FNBP1: variants seen among roughly 807,000 people sequenced by gnomAD.
The protein encoded by FNBP1 is formin-binding protein 1.
A neutral mutation model predicts 90.6 loss-of-function variants in FNBP1; 26 were observed. That is an observed-to-expected ratio of 0.29 (90% CI 0.21 to 0.40). The LOEUF is 0.40. Ranked by LOEUF, FNBP1 falls within the 10% of genes least tolerant of loss-of-function variation. The probability of loss-of-function intolerance (pLI) is 1.00; values close to 1 mark genes in which losing one functional copy is unlikely to be tolerated. For missense variants in FNBP1, 635 were observed against 768.0 expected (o/e 0.83, Z 2.05); for synonymous variants, 260 against 265.2 (o/e 0.98, Z 0.19).
chr9:129,965,399 C>T (rs1473072477), intron 4 of FNBP1, among the ~76,000 whole-genome samples: 1 of 152,320 alleles, frequency 6.6e-6, no homozygotes, highest in East Asian at 1.9e-4. Context: ...CACTGAGCAG[C>T]ATGAGGCAAT....
At chr9:130,006,994 G>A (rs532538179) in intron 1 of FNBP1, among the ~76,000 whole-genome samples, 7 of 152,046 alleles carry the variant, frequency 4.6e-5, no homozygotes, top group Non-Finnish European at 1.0e-4. Context: ...AGCACTTTGG[G>A]AGGCTGAGGA....
At chr9:129,937,455 G>A (rs1172395915) in intron 6 of FNBP1, among the ~76,000 whole-genome samples, 2 of 151,982 alleles carry the variant, frequency 1.3e-5, no homozygotes, top group Non-Finnish European at 2.9e-5. Context: ...AAAGTTGGCC[G>A]GGCGCAGTGG....
chr9:129,975,475 AATTT>A, intron 4 of FNBP1, among the ~76,000 whole-genome samples: 1 of 152,330 alleles, frequency 6.6e-6, no homozygotes, highest in East Asian at 1.9e-4. Flanking sequence ...TACCACCTAT[AATTT>A]ATTCCATAAA....
At chr9:129,914,978 T>A in intron 11 of FNBP1, 1 of 384,662 alleles carries the variant, frequency 2.6e-6, no homozygotes. Context: ...TTAGTTACTT[T>A]TAATAAATTT....
intron 1 of FNBP1, among the ~76,000 whole-genome samples, chr9:130,019,421 GTCTT>G (rs1401326331): frequency 6.6e-6 from 1 of 151,874 alleles, no homozygotes; most frequent in Admixed American, 6.6e-5. Flanking sequence ...TTCATAAAAA[GTCTT>G]TATAGGTTCA....
At chr9:130,012,520 A>G (rs911862305) in intron 1 of FNBP1, among the ~76,000 whole-genome samples, 1 of 152,220 alleles carries the variant, frequency 6.6e-6, no homozygotes, top group East Asian at 1.9e-4. Context: ...ACAAAAACTT[A>G]TTCCAGGTGG....
At chr9:129,891,447 A>G (rs925410634) in intron 16 of FNBP1, among the ~76,000 whole-genome samples, 1 of 152,222 alleles carries the variant, frequency 6.6e-6, no homozygotes, top group African/African-American at 2.4e-5. Context: ...CTTGGGCAAC[A>G]GAGTGAGAAT....
chr9:130,022,742 C>T (rs1022283193), intron 1 of FNBP1, among the ~76,000 whole-genome samples: 1 of 152,152 alleles, frequency 6.6e-6, no homozygotes, highest in Non-Finnish European at 1.5e-5. Flanking sequence ...GCTCAATCAC[C>T]GCTCACTGCC....
chr9:130,022,209 CTT>C (rs1182706263), intron 1 of FNBP1, among the ~76,000 whole-genome samples: 6 of 145,418 alleles, frequency 4.1e-5, no homozygotes, highest in African/African-American at 1.0e-4. Context: ...ATAAAATTAA[CTT>C]TTTTTTTTTT....
chr9:129,963,956 G>A (rs930239077), intron 4 of FNBP1, among the ~76,000 whole-genome samples: 2 of 152,084 alleles, frequency 1.3e-5, no homozygotes, highest in South Asian at 4.2e-4. Context: ...CATTTATTTG[G>A]CCATAACATA....
chr9:130,038,133 T>C (rs1467625916), intron 1 of FNBP1, among the ~76,000 whole-genome samples: 1 of 152,006 alleles, frequency 6.6e-6, no homozygotes, highest in Non-Finnish European at 1.5e-5. Flanking sequence ...CGTGGGCAGA[T>C]CACGAGGTCA....
chr9:130,039,938 T>C (rs2059673676), intron 1 of FNBP1, among the ~76,000 whole-genome samples: 1 of 152,236 alleles, frequency 6.6e-6, no homozygotes, highest in East Asian at 1.9e-4. Context: ...AAATAATTCA[T>C]GGCCACCCAA....
At position 130,024,435 on chromosome 9, in the gene FNBP1, GT is replaced by G. The variant is rs2058146306; in HGVS notation, c.24+18516del. 2.6e-5 allele frequency among the ~76,000 whole-genome samples: 4 copies of G among 152,206 alleles called. 1 individual carries two copies. The South Asian group carries it at 8.3e-4, about 32-fold the overall frequency. On this transcript the variant is annotated intron_variant, in intron 1 of 16. Transcript: ENST00000446176. ...TGGGTGACAGAGCAAGACCCTGCCT[GT>G]CTCAGACTATTGCACATTGGTGACA...
chr9:129,966,410 C>T lies in FNBP1; in HGVS notation c.346-7857G>A, dbSNP rs988998067. Among the ~76,000 whole-genome samples the T allele has an allele frequency of 8.5e-5, 13 of 152,052 alleles. No individual in the cohort carries two copies. The highest frequency in any genetic ancestry group is 1.2e-4 in the African/African-American group (5 of 41,406). On this transcript the variant is annotated intron_variant, in intron 4 of 16. Coordinates refer to ENST00000446176, the MANE Select transcript of FNBP1 (RefSeq NM_015033.3). The surrounding 1 kb of genome is among the most constrained non-coding windows in gnomAD (Gnocchi z 4.3). ...TGACCATGGACAGCCTCACCAGCCA[C>T]GGTAAGCATGTTGGAAGATTTAAGA...
intron 7 of FNBP1, 88 bp from the exon 8 acceptor site, chr9:129,927,429 T>C (rs1026619507): frequency 5.3e-6 from 7 of 1,322,820 alleles, no homozygotes; most frequent in Non-Finnish European, 7.4e-6. Context: ...CTCTAACAAG[T>C]TCTCTTTGAG....
Position 129,914,755 on chromosome 9 carries a change from G to GTGTATATATATA in FNBP1, c.1185+1210_1185+1211insTATATATATACA, listed in dbSNP as rs71499203. 6.8e-3 allele frequency among the ~76,000 whole-genome samples: 664 copies of GTGTATATATATA among 98,366 alleles called. 85 individuals carry two copies. Among genetic ancestry groups the GTGTATATATATA allele is most frequent in the East Asian group, 0.021 (54 of 2,590 alleles). The allele number at this position is 98,366 out of a possible 152,430, so 64.5% of individuals were successfully genotyped here. On this transcript the variant is annotated intron_variant, in intron 11 of 16. Coordinates refer to ENST00000446176, the MANE Select transcript of FNBP1 (RefSeq NM_015033.3). Reference sequence around the variant, plus strand: ...AAAAATTATGTATATACATACATATGTCTATATATATATATATATATATAT... The same window carrying GTGTATATATATA: ...AAAAATTATGTATATACATACATATGTGTATATATATATCTATATATATATATATATATATAT...
chr9:129,892,370 C>CAT, intron 16 of FNBP1, among the ~76,000 whole-genome samples: 1 of 39,754 alleles, frequency 2.5e-5, no homozygotes, highest in Non-Finnish European at 9.4e-5. Flanking sequence ...ATCGTAGACA[C>CAT]ACACACACAC....
intron 6 of FNBP1, among the ~76,000 whole-genome samples, chr9:129,952,074 C>T (rs1013367598): frequency 6.6e-6 from 1 of 151,732 alleles, no homozygotes; most frequent in East Asian, 2.0e-4. Flanking sequence ...TACCTGTAAT[C>T]TCAGCTACTC....
chr9:129,959,336 A>G (rs1009063769), intron 4 of FNBP1, among the ~76,000 whole-genome samples: 1 of 152,100 alleles, frequency 6.6e-6, no homozygotes, highest in Non-Finnish European at 1.5e-5. Flanking sequence ...CACACCTGTA[A>G]TCCCAGCACT....
Sources: gnomAD v4.1 joint callset for allele counts (sites outside exome capture counted in the v4.1 genomes callset) on GRCh38, gnomAD v4.1.1 for gene constraint, Gnocchi (gnomAD v3.1) non-coding constraint, MANE v1.5 for transcripts, NCBI Gene and HGNC (gene_info 2026-07-23, HGNC 2026-07-21) for gene names.